Variants in DSCAML1 observed in about 807,000 individuals in gnomAD.
DSCAML1 encodes the protein cell adhesion molecule DSCAML1.
Under a neutral mutation model 200.5 loss-of-function variants are expected in DSCAML1, and 38 were observed. The observed-to-expected ratio is 0.19, with a 90% confidence interval of 0.15 to 0.25. The LOEUF (loss-of-function observed/expected upper bound fraction) is 0.25. Among genes scored for constraint, DSCAML1 ranks in the 10% least tolerant of loss-of-function variants. The pLI is 1.00. For synonymous variants in DSCAML1, 1,215 were observed against 1,165.0 expected (o/e 1.04, Z -0.87); for missense variants, 2,223 against 2,858.8 (o/e 0.78, Z 5.07).
intron 11 of DSCAML1, among the ~76,000 whole-genome samples, chr11:117,490,348 G>A (rs1310865042): frequency 6.6e-6 from 1 of 152,162 alleles, no homozygotes; most frequent in East Asian, 1.9e-4. Flanking sequence ...GAGGCTGATA[G>A]ATTTTTAAAA....
At chr11:117,700,122 C>A (rs891192920) in intron 3 of DSCAML1, among the ~76,000 whole-genome samples, 7 of 152,174 alleles carry the variant, frequency 4.6e-5, no homozygotes, top group African/African-American at 1.4e-4. Flanking sequence ...TGGCCAGATT[C>A]AATTCTGAAT....
At chr11:117,655,980 A>G (rs17121040) in intron 3 of DSCAML1, among the ~76,000 whole-genome samples, 4 of 152,168 alleles carry the variant, frequency 2.6e-5, no homozygotes, top group African/African-American at 7.2e-5. Context: ...AAGATGTTGT[A>G]AAGAGAGCAC....
intron 3 of DSCAML1, among the ~76,000 whole-genome samples, chr11:117,757,615 C>T (rs2054718562): frequency 9.2e-6 from 1 of 108,810 alleles, no homozygotes; most frequent in Non-Finnish European, 2.0e-5. Context: ...CACACACACA[C>T]ACACAATTAT....
At chr11:117,634,276 C>T (rs2052231456) in intron 3 of DSCAML1, among the ~76,000 whole-genome samples, 1 of 152,198 alleles carries the variant, frequency 6.6e-6, no homozygotes, top group Non-Finnish European at 1.5e-5. Flanking sequence ...TTATCCTGCT[C>T]TGAGCAGAAA....
intron 3 of DSCAML1, among the ~76,000 whole-genome samples, chr11:117,589,968 C>T (rs1329133857): frequency 2.0e-5 from 3 of 152,154 alleles, no homozygotes; most frequent in Non-Finnish European, 4.4e-5. Flanking sequence ...CTTCTATTCC[C>T]TCTATCACAT....
At chr11:117,714,680 G>A (rs909244724) in intron 3 of DSCAML1, among the ~76,000 whole-genome samples, 1 of 152,014 alleles carries the variant, frequency 6.6e-6, no homozygotes, top group Non-Finnish European at 1.5e-5. Flanking sequence ...AGCTGGGCGT[G>A]GTGGTGGACA....
At chr11:117,443,053 C>T (rs1345616009) in intron 21 of DSCAML1, among the ~76,000 whole-genome samples, 1 of 152,190 alleles carries the variant, frequency 6.6e-6, no homozygotes, top group Non-Finnish European at 1.5e-5. Context: ...GCTTGAGTGG[C>T]CCCGGTAGGC....
chr11:117,815,126 C>T (rs374690533), intron 1 of DSCAML1, among the ~76,000 whole-genome samples: 3 of 152,260 alleles, frequency 2.0e-5, no homozygotes, highest in South Asian at 2.1e-4. Flanking sequence ...TGTTCACTGC[C>T]GGGAGGAAGC....
intron 21 of DSCAML1, among the ~76,000 whole-genome samples, chr11:117,443,075 C>G (rs915788625): frequency 1.3e-5 from 2 of 152,198 alleles, no homozygotes; most frequent in African/African-American, 4.8e-5. Flanking sequence ...GGCCAGGCTG[C>G]GCAGGCACCA....
chr11:117,656,728 T>A (rs1430084855), intron 3 of DSCAML1, among the ~76,000 whole-genome samples: 1 of 152,176 alleles, frequency 6.6e-6, no homozygotes, highest in Non-Finnish European at 1.5e-5. Flanking sequence ...CCTTTGGTCT[T>A]AATCAACACA....
rs2048269685 is a variant in DSCAML1, at chr11:117,450,839, C to T, written c.3569-151G>A. The stretch of plus-strand genomic sequence containing the variant: ...TGTGGTTTAGAAGGGGAGGGTCCAT[C>T]CAGCATGGTAAACAGGTGGGAGGAG... On this transcript the variant is annotated intron_variant, in intron 19 of 32. Transcript: ENST00000651296. 6.1e-5 allele frequency: 52 copies of T among 854,430 alleles called. 2 individuals carry two copies. The South Asian group carries it at 9.3e-4, about 15-fold the overall frequency. 52.9% of individuals were successfully genotyped at this position (854,430 alleles called of 1,614,324 possible). A position where few individuals can be genotyped will look rare whatever the true frequency, so the allele number is the denominator to read the frequency against.
intron 21 of DSCAML1, among the ~76,000 whole-genome samples, chr11:117,441,034 G>A (rs1048804636): frequency 1.3e-5 from 2 of 151,944 alleles, no homozygotes; most frequent in Non-Finnish European, 2.9e-5. Flanking sequence ...GACACAGAAC[G>A]TGACAGGATG....
chr11:117,438,816 A>C, intron 24 of DSCAML1, 69 bp downstream of exon 24: 1 of 1,327,940 alleles, frequency 7.5e-7, no homozygotes, highest in Non-Finnish European at 1.0e-6. Flanking sequence ...GAAGTGGGTG[A>C]AGCCCCTTCC....
Position 117,745,008 on chromosome 11 carries a change from C to T in DSCAML1, c.511+31783G>A, listed in dbSNP as rs1184887461. 2.3e-4 allele frequency among the ~76,000 whole-genome samples: 4 copies of T among 17,396 alleles called. No homozygotes were observed. The East Asian group carries it at 0.028, about 121-fold the overall frequency. 11.4% of individuals were successfully genotyped at this position (17,396 alleles called of 152,430 possible). A position where few individuals can be genotyped will look rare whatever the true frequency, so the allele number is the denominator to read the frequency against. On this transcript the variant is annotated intron_variant, in intron 3 of 32. Transcript: ENST00000651296. The stretch of plus-strand genomic sequence containing the variant: ...GGCTACCTGACAGCCGCAGTGATTA[C>T]CAAGACAACCAGCACACCTCCTGAG...
At chr11:117,812,652 C>G (rs1281018554) in intron 1 of DSCAML1, among the ~76,000 whole-genome samples, 1 of 151,806 alleles carries the variant, frequency 6.6e-6, no homozygotes, top group African/African-American at 2.4e-5. Flanking sequence ...AGACAGCCCC[C>G]ATTACTTCAG....
chr11:117,458,684 C>T (rs2048420749), intron 19 of DSCAML1, 70 bp downstream of exon 19: 1 of 1,573,940 alleles, frequency 6.4e-7, no homozygotes, highest in Non-Finnish European at 8.6e-7. Flanking sequence ...CACCCTGCCT[C>T]CTGGGGTGGG....
At chr11:117,610,263 C>T (rs1303234154) in intron 3 of DSCAML1, among the ~76,000 whole-genome samples, 1 of 152,168 alleles carries the variant, frequency 6.6e-6, no homozygotes, top group Non-Finnish European at 1.5e-5. Context: ...GAGACCAGTT[C>T]CTCCCGCCCC....
intron 1 of DSCAML1, among the ~76,000 whole-genome samples, chr11:117,813,224 T>C (rs184798807): frequency 6.6e-6 from 1 of 152,358 alleles, no homozygotes; most frequent in Non-Finnish European, 1.5e-5. Flanking sequence ...CTCAGAATGC[T>C]ACAAGGTACA....
At chr11:117,730,553 C>T (rs897759834) in intron 3 of DSCAML1, among the ~76,000 whole-genome samples, 4 of 152,130 alleles carry the variant, frequency 2.6e-5, no homozygotes, top group Admixed American at 2.6e-4. Context: ...AGGAAAGATA[C>T]CAACAGGATT....
Sources: gnomAD v4.1 joint callset for allele counts (sites outside exome capture counted in the v4.1 genomes callset) on GRCh38, gnomAD v4.1.1 for gene constraint, MANE v1.5 for transcripts, NCBI Gene and HGNC (gene_info 2026-07-23, HGNC 2026-07-21) for gene names.